SLC25A21: variants seen among roughly 807,000 people sequenced by gnomAD.
SLC25A21 encodes the protein solute carrier family 25 member 21, also known as mitochondrial 2-oxodicarboxylate carrier.
A neutral mutation model predicts 43.8 loss-of-function variants in SLC25A21; 47 were observed. That is an observed-to-expected ratio of 1.07 (90% CI 0.85 to 1.37). The LOEUF (loss-of-function observed/expected upper bound fraction) is 1.37. Ranked by LOEUF, SLC25A21 falls within the 40% of genes most tolerant of loss-of-function variation. The probability of loss-of-function intolerance (pLI) is 0.00; values close to 1 mark genes in which losing one functional copy is unlikely to be tolerated. For missense variants in SLC25A21, 352 were observed against 350.2 expected, an observed-to-expected ratio of 1.00 and a Z score of -0.04; for synonymous variants, 131 against 121.3, an observed-to-expected ratio of 1.08 and a Z score of -0.52.
chr14:36,896,214 C>T (rs1891233862), intron 1 of SLC25A21, among the ~76,000 whole-genome samples: 2 of 152,128 alleles, frequency 1.3e-5, no homozygotes, highest in African/African-American at 4.8e-5. Flanking sequence ...CTTTATGAAT[C>T]TGGGTGCTCC....
chr14:36,697,160 G>A (rs1205259416), intron 7 of SLC25A21, among the ~76,000 whole-genome samples: 1 of 152,056 alleles, frequency 6.6e-6, no homozygotes, highest in African/African-American at 2.4e-5. Flanking sequence ...CCTTCATTTC[G>A]TTATTTACCT....
At chr14:36,785,024 T>C (rs888909298) in intron 3 of SLC25A21, among the ~76,000 whole-genome samples, 1 of 152,200 alleles carries the variant, frequency 6.6e-6, no homozygotes, top group Non-Finnish European at 1.5e-5. Context: ...AAGGATAGAT[T>C]AATTAGTTGT....
intron 1 of SLC25A21, among the ~76,000 whole-genome samples, chr14:37,091,995 T>C (rs949871916): frequency 6.6e-6 from 1 of 152,050 alleles, no homozygotes; most frequent in Non-Finnish European, 1.5e-5. Context: ...GGGATGGTGG[T>C]GCATGCCTAT....
At chr14:37,019,431 C>G (rs116450587) in intron 1 of SLC25A21, among the ~76,000 whole-genome samples, 1 of 151,880 alleles carries the variant, frequency 6.6e-6, no homozygotes, top group Non-Finnish European at 1.5e-5. Flanking sequence ...CTTAATATCA[C>G]ATATCACAAG....
intron 2 of SLC25A21, chr14:36,870,606 C>G (rs1214708095): frequency 1.3e-5 from 2 of 152,170 alleles, no homozygotes; most frequent in Non-Finnish European, 2.9e-5. Context: ...GTTGAATAAT[C>G]ACATCTGCGA....
intron 1 of SLC25A21, among the ~76,000 whole-genome samples, chr14:37,107,168 G>A (rs912499643): frequency 1.3e-5 from 2 of 151,866 alleles, no homozygotes; most frequent in African/African-American, 4.8e-5. Context: ...ATCTTTATCT[G>A]TGATCTCTTG....
intron 9 of SLC25A21, among the ~76,000 whole-genome samples, chr14:36,683,395 G>C (rs922506758): frequency 1.3e-5 from 2 of 152,204 alleles, no homozygotes; most frequent in African/African-American, 4.8e-5. Flanking sequence ...TGTTCATGGA[G>C]GCAAGCTGTC....
chr14:37,162,904 A>G (rs1391854573), intron 1 of SLC25A21, among the ~76,000 whole-genome samples: 2 of 152,306 alleles, frequency 1.3e-5, no homozygotes, highest in East Asian at 1.9e-4. Context: ...ATGTCCAACA[A>G]TGATAGACTG....
chr14:37,094,716 G>A (rs541426157), intron 1 of SLC25A21, among the ~76,000 whole-genome samples: 1 of 143,536 alleles, frequency 7.0e-6, no homozygotes, highest in Non-Finnish European at 1.5e-5. Flanking sequence ...GGTGCTCACT[G>A]AAGCATGGTT....
chr14:37,142,428 A>C lies in SLC25A21; in HGVS notation c.70+29853T>G, dbSNP rs556935932. On this transcript the variant is annotated intron_variant, in intron 1 of 9. Coordinates refer to ENST00000331299, the MANE Select transcript of SLC25A21 (RefSeq NM_030631.4). ...CAGGCTGGAGTACAGTGGCTTGGTC[A>C]CAGCTCACTGCGGCCTCAGCTACCT... Among the ~76,000 whole-genome samples the C allele has an allele frequency of 7.9e-5, 12 of 152,310 alleles. No homozygotes were observed. In the South Asian group the frequency reaches 2.5e-3, roughly 32 times the overall value.
intron 1 of SLC25A21, among the ~76,000 whole-genome samples, chr14:36,904,479 T>C (rs1345907480): frequency 2.0e-5 from 3 of 152,160 alleles, no homozygotes; most frequent in Non-Finnish European, 4.4e-5. Flanking sequence ...AAAATATAAC[T>C]AAGGAAGTTC....
chr14:37,169,424 A>C (rs1351656497), intron 1 of SLC25A21, among the ~76,000 whole-genome samples: 1 of 151,702 alleles, frequency 6.6e-6, no homozygotes. Flanking sequence ...TATCCTCAGC[A>C]CTCCAGCCCC....
chr14:37,004,473 G>A (rs17105909), intron 1 of SLC25A21, among the ~76,000 whole-genome samples: 21,718 of 152,240 alleles, frequency 0.14, 5,156 homozygotes, highest in African/African-American at 0.49. Flanking sequence ...CCAAGGTTAT[G>A]TGTTAAGTCA....
At chr14:36,861,490 C>G (rs1406483365) in intron 2 of SLC25A21, among the ~76,000 whole-genome samples, 3 of 152,202 alleles carry the variant, frequency 2.0e-5, no homozygotes, top group African/African-American at 7.2e-5. Context: ...TTTCTCAACA[C>G]TTTCAGGTTT....
chr14:37,077,564 G>C (rs2138833872), intron 1 of SLC25A21, among the ~76,000 whole-genome samples: 1 of 152,222 alleles, frequency 6.6e-6, no homozygotes, highest in South Asian at 2.1e-4. Flanking sequence ...GGTAGATAAG[G>C]AGCAGACCCC....
chr14:37,121,413 TGTA>T (rs2138891548), intron 1 of SLC25A21, among the ~76,000 whole-genome samples: 1 of 152,140 alleles, frequency 6.6e-6, no homozygotes, highest in East Asian at 1.9e-4. Flanking sequence ...GGGAGGGAAA[TGTA>T]AAGAGTGAGG....
chr14:36,865,475 C>G (rs892967700), intron 2 of SLC25A21, among the ~76,000 whole-genome samples: 2 of 151,974 alleles, frequency 1.3e-5, no homozygotes, highest in Non-Finnish European at 2.9e-5. Flanking sequence ...TCTCAAAAAC[C>G]ACGGAATGAG....
chr14:36,780,607 T>C (rs1455041039), intron 3 of SLC25A21, among the ~76,000 whole-genome samples: 1 of 152,100 alleles, frequency 6.6e-6, no homozygotes, highest in African/African-American at 2.4e-5. Flanking sequence ...AGGACTGTGT[T>C]AATTCCCACA....
intron 1 of SLC25A21, among the ~76,000 whole-genome samples, chr14:37,027,058 T>C (rs1234834243): frequency 2.6e-5 from 4 of 152,182 alleles, no homozygotes; most frequent in Non-Finnish European, 4.4e-5. Flanking sequence ...GGTCCTAATA[T>C]TGTCTCACCT....
Sources: gnomAD v4.1 joint callset for allele counts (sites outside exome capture counted in the v4.1 genomes callset) on GRCh38, gnomAD v4.1.1 for gene constraint, MANE v1.5 for transcripts, NCBI Gene and HGNC (gene_info 2026-07-23, HGNC 2026-07-21) for gene names.